RBM17: variants seen among roughly 807,000 people sequenced by gnomAD.
RBM17 encodes the protein splicing factor 45.
Under a neutral mutation model 53.2 loss-of-function variants are expected in RBM17, and 7 were observed. The observed-to-expected ratio is 0.13, with a 90% confidence interval of 0.07 to 0.25. The LOEUF is 0.25. RBM17 is among the 10% of genes least tolerant of loss of function. The pLI is 1.00. For missense variants in RBM17, 257 were observed against 496.7 expected (o/e 0.52, Z 4.59); for synonymous variants, 167 against 178.1 (o/e 0.94, Z 0.50).
intron 7 of RBM17, 80 bp downstream of exon 7, chr10:6,110,207 T>G (rs1273876653): frequency 1.5e-6 from 2 of 1,348,530 alleles, no homozygotes; most frequent in Admixed American, 4.6e-5. Context: ...TGCAGCTTGT[T>G]TGAAACTGAG....
chr10:6,091,041 T>A (rs557617144), intron 1 of RBM17, among the ~76,000 whole-genome samples: 29 of 139,414 alleles, frequency 2.1e-4, no homozygotes, highest in African/African-American at 5.5e-4. Flanking sequence ...TTATATATTT[T>A]TATATATATA....
At position 6,089,911 on chromosome 10, in the gene RBM17, A is replaced by C. The variant is rs1316886696; in HGVS notation, c.-19+718A>C. On this transcript the variant is annotated intron_variant, in intron 1 of 11. Coordinates refer to ENST00000379888, the MANE Select transcript of RBM17 (RefSeq NM_032905.5). The surrounding 1 kb of genome is among the most constrained non-coding windows in gnomAD (Gnocchi z 5.6). ...AGGCCCGGGTTGATTTGAGAAACGC[A>C]AGTGGGGTCTGGAAGGACCTCTCTT... 6.6e-6 allele frequency: 1 copy of C among 152,306 alleles called. No individual in the cohort carries two copies. The highest frequency in any genetic ancestry group is 1.5e-5 in the Non-Finnish European group (1 of 68,098). 9.4% of individuals were successfully genotyped at this position (152,306 alleles called of 1,614,324 possible).
chr10:6,097,818 C>T (rs1298527582), intron 2 of RBM17, among the ~76,000 whole-genome samples: 1 of 152,212 alleles, frequency 6.6e-6, no homozygotes, highest in African/African-American at 2.4e-5. Context: ...TTCTGGTAAA[C>T]TGTAGTTCAG....
At chr10:6,111,164 A>G (rs1840830822) in intron 7 of RBM17, among the ~76,000 whole-genome samples, 1 of 152,174 alleles carries the variant, frequency 6.6e-6, no homozygotes, top group African/African-American at 2.4e-5. Context: ...GTGCAGTTCC[A>G]GTTGAAGCGG....
chr10:6,113,804 G>T, intron 9 of RBM17: 1 of 582,708 alleles, frequency 1.7e-6, no homozygotes, highest in East Asian at 2.8e-5. Context: ...ATTTGAAATT[G>T]CTAGAGCTTC....
rs145617186 is a variant in RBM17, at chr10:6,101,366, G to T, written c.219G>T (p.Pro73=). The change falls in exon 3 of 12, where the codon CCG becomes CCT. Residue 73 remains proline (P), a synonymous_variant. Coordinates refer to ENST00000379888, the MANE Select transcript of RBM17 (RefSeq NM_032905.5). ...ACCGGCAAATTGTGGACACTCCACC[G>T]CATGTAGCAGCTGGGCTGAAGGTAA... ...SDDRQIVDTP[P]HVAAGLKDPV... The T allele has an allele frequency of 1.9e-6, 3 of 1,611,706 alleles. No individual in the cohort carries two copies. The highest frequency in any genetic ancestry group is 4.5e-5 in the East Asian group (2 of 44,822).
intron 1 of RBM17, among the ~76,000 whole-genome samples, chr10:6,093,527 G>C (rs1840521008): frequency 6.6e-6 from 1 of 152,150 alleles, no homozygotes; most frequent in Admixed American, 6.5e-5. Flanking sequence ...CCCATTATTA[G>C]TATTTTAATA....
intron 3 of RBM17, among the ~76,000 whole-genome samples, chr10:6,102,973 G>A (rs1840689945): frequency 6.6e-6 from 1 of 152,082 alleles, no homozygotes; most frequent in Non-Finnish European, 1.5e-5. Flanking sequence ...CTAATTTTTT[G>A]TAGAGATGAG....
rs12242912 is a variant in RBM17 at position 6,112,345 on chromosome 10, C to T, written c.840C>T (p.Gly280=). ...TSKRGGKIIV[G]DATEKDASKK... is the part of the protein sequence containing the mutation. ...AGCGTGGCGGCAAGATCATCGTGGGCGACGCCACAGAGAAAGGTGTGTCCC... is the reference window on the plus strand; with the variant it reads ...AGCGTGGCGGCAAGATCATCGTGGGTGACGCCACAGAGAAAGGTGTGTCCC... The change falls in exon 8 of 12, where the codon GGC becomes GGT. Residue 280 remains glycine (G), a synonymous_variant. Coordinates refer to ENST00000379888, the MANE Select transcript of RBM17 (RefSeq NM_032905.5). This position sits in a 1 kb window ranked among gnomAD's most constrained non-coding sequence, Gnocchi z 4.4. The T allele has an allele frequency of 4.1e-3, 6,575 of 1,613,726 alleles. 199 individuals carry two copies. In the African/African-American group the frequency reaches 0.074, roughly 18 times the overall value.
At chr10:6,098,939 A>G (rs1297175636) in intron 2 of RBM17, among the ~76,000 whole-genome samples, 1 of 151,584 alleles carries the variant, frequency 6.6e-6, no homozygotes, top group Non-Finnish European at 1.5e-5. Flanking sequence ...CTTACATTTG[A>G]TTGTTCAGTA....
chr10:6,100,771 G>A (rs1840658272), intron 2 of RBM17, among the ~76,000 whole-genome samples: 1 of 152,168 alleles, frequency 6.6e-6, no homozygotes, highest in Non-Finnish European at 1.5e-5. Context: ...TTTTATTAGG[G>A]GTAGTAATCT....
chr10:6,105,822 G>A (rs995926571), intron 4 of RBM17, among the ~76,000 whole-genome samples: 4 of 152,134 alleles, frequency 2.6e-5, no homozygotes, highest in African/African-American at 9.7e-5. Flanking sequence ...AAGTGTTATA[G>A]ACTATTGAAA....
At chr10:6,113,841 C>T in intron 9 of RBM17, 1 of 587,636 alleles carries the variant, frequency 1.7e-6, no homozygotes, top group Non-Finnish European at 3.0e-6. Flanking sequence ...TTGGTGCTTG[C>T]ATAGATGCTT....
rs1381861519 is a variant in RBM17 at position 6,097,111 on chromosome 10, A to G, written c.46A>G (p.Thr16Ala). The G allele has an allele frequency of 6.2e-7, 1 of 1,614,016 alleles. No homozygotes were observed. Among genetic ancestry groups the G allele is most frequent in the East Asian group, 2.2e-5 (1 of 44,886 alleles). The change falls in exon 2 of 12, where the codon ACA becomes GCA. Residue 16 changes from threonine (T) to alanine (A), a missense_variant. This residue lies in a region of RBM17 where 127 missense variants were observed against 217.2 expected (regional missense o/e 0.58). Coordinates refer to ENST00000379888, the MANE Select transcript of RBM17 (RefSeq NM_032905.5). ...AGGAGTGGAGACCAGTGACTCAAAA[A>G]CAGAAGGCTGGTCCAAAAACTTCAA... ...DLGVETSDSK[T>A]EGWSKNFKLL...
intron 3 of RBM17, among the ~76,000 whole-genome samples, chr10:6,103,762 G>A (rs145598824): frequency 9.2e-5 from 14 of 152,274 alleles, no homozygotes; most frequent in African/African-American, 3.1e-4. Context: ...ATGTCACACC[G>A]AACCATGAAA....
intron 1 of RBM17, among the ~76,000 whole-genome samples, chr10:6,090,688 A>G (rs1392660068): frequency 2.6e-5 from 4 of 152,118 alleles, no homozygotes; most frequent in Non-Finnish European, 5.9e-5. Context: ...TCATCTCTCA[A>G]ACCTTTCATA....
chr10:6,097,968 G>T (rs1840601333), intron 2 of RBM17, among the ~76,000 whole-genome samples: 2 of 152,188 alleles, frequency 1.3e-5, no homozygotes, highest in Admixed American at 6.5e-5. Flanking sequence ...CAGGTTGATT[G>T]TGAAGGCGTC....
chr10:6,090,843 A>G (rs760252656), intron 1 of RBM17, among the ~76,000 whole-genome samples: 1 of 148,948 alleles, frequency 6.7e-6, no homozygotes, highest in Admixed American at 7.0e-5. Context: ...AGGGCGTCAG[A>G]TGGAGGTATG....
rs910552551 is a variant in RBM17 at position 6,103,422 on chromosome 10, CAG to C, written c.241-1505_241-1504del. ...TTTTTTCTTTGAAATTTTGAAGTGT[CAG>C]AGAATGAACCTTCATATTGACAGTT... On this transcript the variant is annotated intron_variant, in intron 3 of 11. Coordinates refer to ENST00000379888, the MANE Select transcript of RBM17 (RefSeq NM_032905.5). 4.6e-5 allele frequency among the ~76,000 whole-genome samples: 7 copies of C among 152,274 alleles called. No individual in the cohort carries two copies. The East Asian group carries it at 7.7e-4, about 17-fold the overall frequency.
Sources: allele counts gnomAD v4.1 joint callset (sites outside exome capture counted in the v4.1 genomes callset), GRCh38; gene constraint gnomAD v4.1.1; regional missense constraint gnomAD v4.1.1; non-coding constraint Gnocchi (gnomAD v3.1); transcripts MANE v1.5; gene names NCBI Gene and HGNC (gene_info 2026-07-23, HGNC 2026-07-21).